Variants in PIK3C2G observed in about 807,000 individuals in gnomAD.
PIK3C2G encodes the protein phosphatidylinositol-4-phosphate 3-kinase catalytic subunit type 2 gamma, also known as phosphatidylinositol 3-kinase C2 domain-containing subunit gamma.
Under a neutral mutation model 181.1 loss-of-function variants are expected in PIK3C2G, and 168 were observed. The ratio of observed to expected loss-of-function variants is 0.93; its 90% CI spans 0.82 to 1.05. The LOEUF is 1.05. PIK3C2G is among the 50% of genes least tolerant of loss of function. PIK3C2G has a pLI of 0.00. For synonymous variants in PIK3C2G, 573 were observed against 592.2 expected (o/e 0.97, Z 0.47); for missense variants, 1,869 against 1,732.8 (o/e 1.08, Z -1.40).
intron 26 of PIK3C2G, among the ~76,000 whole-genome samples, chr12:18,558,784 G>A (rs75973274): frequency 0.037 from 5,679 of 152,198 alleles, 222 homozygotes; most frequent in African/African-American, 0.1. Flanking sequence ...AAACTGTAAA[G>A]CTATTATCTA....
At chr12:18,347,085 A>G (rs976887235) in intron 11 of PIK3C2G, among the ~76,000 whole-genome samples, 1 of 152,212 alleles carries the variant, frequency 6.6e-6, no homozygotes, top group African/African-American at 2.4e-5. Context: ...TTATGGAAAT[A>G]GAAAATACTA....
chr12:18,581,474 TAGG>T (rs1054939847), intron 29 of PIK3C2G, among the ~76,000 whole-genome samples: 5 of 152,198 alleles, frequency 3.3e-5, no homozygotes, highest in Non-Finnish European at 7.3e-5. Context: ...ATGCTCTACA[TAGG>T]AGAAGTGTTC....
At chr12:18,429,992 T>C (rs562376559) in intron 18 of PIK3C2G, among the ~76,000 whole-genome samples, 41 of 152,254 alleles carry the variant, frequency 2.7e-4, no homozygotes, top group Non-Finnish European at 4.9e-4. Context: ...AGATCAAGGT[T>C]AGACTTGACC....
At chr12:18,342,815 T>C (rs995575701) in intron 9 of PIK3C2G, among the ~76,000 whole-genome samples, 3 of 151,984 alleles carry the variant, frequency 2.0e-5, no homozygotes, top group Admixed American at 6.6e-5. Flanking sequence ...ATTTAAGATA[T>C]GACTCAAGAT....
chr12:18,415,752 G>A (rs1945138742), intron 16 of PIK3C2G, among the ~76,000 whole-genome samples: 1 of 152,196 alleles, frequency 6.6e-6, no homozygotes. Context: ...AAGACAGACT[G>A]ATAAGAAAGT....
At chr12:18,631,403 A>G (rs1949344600) in intron 31 of PIK3C2G, among the ~76,000 whole-genome samples, 1 of 152,236 alleles carries the variant, frequency 6.6e-6, no homozygotes, top group Non-Finnish European at 1.5e-5. Flanking sequence ...ATAACTTAGA[A>G]ATAGAAGCCC....
At chr12:18,310,974 A>G (rs1487436072) in intron 5 of PIK3C2G, among the ~76,000 whole-genome samples, 5 of 152,056 alleles carry the variant, frequency 3.3e-5, no homozygotes, top group Non-Finnish European at 7.4e-5. Flanking sequence ...GCCCTCAAAG[A>G]AAGTATAATA....
At chr12:18,583,043 G>A (rs763766774) in intron 29 of PIK3C2G, among the ~76,000 whole-genome samples, 9 of 152,070 alleles carry the variant, frequency 5.9e-5, no homozygotes, top group Non-Finnish European at 1.2e-4. Flanking sequence ...GAGCAGTCCC[G>A]TGGCACAGCA....
At chr12:18,420,490 A>C (rs1945422065) in intron 16 of PIK3C2G, among the ~76,000 whole-genome samples, 1 of 152,160 alleles carries the variant, frequency 6.6e-6, no homozygotes, top group Non-Finnish European at 1.5e-5. Context: ...TTTATTCTAA[A>C]GAACTTTAGA....
chr12:18,347,638 C>A (rs1172147400), intron 11 of PIK3C2G, among the ~76,000 whole-genome samples: 1 of 151,948 alleles, frequency 6.6e-6, no homozygotes, highest in Non-Finnish European at 1.5e-5. Flanking sequence ...GGTGAAACCC[C>A]GTCTCTACTA....
intron 18 of PIK3C2G, among the ~76,000 whole-genome samples, chr12:18,446,652 ATTG>A (rs1345225632): frequency 2.0e-5 from 3 of 152,238 alleles, no homozygotes; most frequent in Admixed American, 6.5e-5. Context: ...GGAAGCAGCT[ATTG>A]TTGTTGTTGT....
the PIK3C2G span, chr12:18,688,138 A>G: frequency 6.2e-7 from 1 of 1,611,834 alleles, no homozygotes. Context: ...CATTTGGAAC[A>G]CCAAAAACTT....
chr12:18,334,880 TG>T (rs1472304845), intron 8 of PIK3C2G, among the ~76,000 whole-genome samples: 3 of 152,064 alleles, frequency 2.0e-5, no homozygotes, highest in Non-Finnish European at 4.4e-5. Context: ...TATATGTATG[TG>T]TATTTGGGGA....
intron 29 of PIK3C2G, among the ~76,000 whole-genome samples, chr12:18,592,883 T>G (rs902783259): frequency 6.6e-6 from 1 of 151,934 alleles, no homozygotes; most frequent in Non-Finnish European, 1.5e-5. Context: ...CAGCATTAGA[T>G]GGTTTGCCAG....
intron 18 of PIK3C2G, among the ~76,000 whole-genome samples, chr12:18,485,792 AT>A (rs1378851836): frequency 1.3e-5 from 2 of 152,112 alleles, no homozygotes; most frequent in Non-Finnish European, 2.9e-5. Flanking sequence ...ATTTTTAAAC[AT>A]TTTTGCCATA....
At chr12:18,266,036 A>AAC (rs1555140300) in intron 1 of PIK3C2G, among the ~76,000 whole-genome samples, 2 of 150,476 alleles carry the variant, frequency 1.3e-5, no homozygotes, top group Non-Finnish European at 3.0e-5. Flanking sequence ...AAAAAAAAAA[A>AAC]AAAAACACTA....
intron 18 of PIK3C2G, among the ~76,000 whole-genome samples, chr12:18,445,809 C>A (rs1216815613): frequency 6.6e-6 from 1 of 152,124 alleles, no homozygotes; most frequent in Non-Finnish European, 1.5e-5. Context: ...AAGCAATATG[C>A]AGTCTGTGTG....
Position 18,647,980 on chromosome 12 carries a change from C to T in PIK3C2G, c.4413C>T (p.Val1471=), listed in dbSNP as rs375446869. 1.3e-6 allele frequency: 2 copies of T among 1,597,326 alleles called. No individual in the cohort carries two copies. Among genetic ancestry groups the T allele is most frequent in the Non-Finnish European group, 1.7e-6 (2 of 1,170,384 alleles). Residue 1471 remains valine (V), a synonymous_variant, in exon 33 of 33, where the codon GTC becomes GTT. Transcript: ENST00000538779. ...VGAINIRLCS[V]PLDKEKWYPL... Reference sequence around the variant, plus strand: ...CAATTAACATCCGACTCTGTAGTGTCCCACTCGATAAAGAAAAATGGTATC... The same window carrying T: ...CAATTAACATCCGACTCTGTAGTGTTCCACTCGATAAAGAAAAATGGTATC...
In PIK3C2G at chr12:18,281,994, C is replaced by A; in HGVS notation, c.-78-10C>A. The A allele has an allele frequency of 1.3e-6, 1 of 759,914 alleles. No homozygotes were observed. The highest frequency in any genetic ancestry group is 2.1e-6 in the Non-Finnish European group (1 of 471,010). 47.1% of individuals were successfully genotyped at this position (759,914 alleles called of 1,614,324 possible). A position where few individuals can be genotyped will look rare whatever the true frequency, so the allele number is the denominator to read the frequency against. ...TCAATATATTTTCTTTCATTTTATGCTTTTTCTAGGAAAATTTCTATCTTC... is the reference window on the plus strand; with the variant it reads ...TCAATATATTTTCTTTCATTTTATGATTTTTCTAGGAAAATTTCTATCTTC... On this transcript the variant is annotated splice_polypyrimidine_tract_variant and intron_variant, in intron 1 of 32. Coordinates refer to ENST00000538779, the MANE Select transcript of PIK3C2G (RefSeq NM_001288772.2).
Sources: allele counts gnomAD v4.1 joint callset (sites outside exome capture counted in the v4.1 genomes callset), GRCh38; gene constraint gnomAD v4.1.1; transcripts MANE v1.5; gene names NCBI Gene and HGNC (gene_info 2026-07-23, HGNC 2026-07-21).